Variants in PPARA observed in about 807,000 individuals in gnomAD.
The protein encoded by PPARA is peroxisome proliferator activated receptor alpha.
PPARA carries 22 observed loss-of-function variants against 42.2 expected under a neutral mutation model. That is an observed-to-expected ratio of 0.52 (90% CI 0.37 to 0.74). The LOEUF is 0.74. Ranked by LOEUF, PPARA falls within the 30% of genes least tolerant of loss-of-function variation. PPARA has a pLI of 0.00. For missense variants in PPARA, 465 were observed against 608.2 expected (o/e 0.76, Z 2.48); for synonymous variants, 242 against 239.3 (o/e 1.01, Z -0.10).
rs1443194877 is a variant in PPARA, at chr22:46,225,791, C to A, written c.711+5777C>A. On this transcript the variant is annotated intron_variant, in intron 7 of 8. Coordinates refer to ENST00000407236, the MANE Select transcript of PPARA (RefSeq NM_005036.6). This position sits in a 1 kb window ranked among gnomAD's most constrained non-coding sequence, Gnocchi z 4.1. The stretch of plus-strand genomic sequence containing the variant: ...CATGCACGTGTAAACACACACACCC[C>A]CACACATACACGTGCACCCACACAT... Among the ~76,000 whole-genome samples, 5 of 135,228 alleles carry A rather than the reference C, an allele frequency of 3.7e-5. No individual in the cohort carries two copies. The highest frequency in any genetic ancestry group is 9.5e-5 in the African/African-American group (3 of 31,518). The allele number at this position is 135,228 out of a possible 152,430, so 88.7% of individuals were successfully genotyped here.
At position 46,224,995 on chromosome 22, in the gene PPARA, G is replaced by A. The variant is rs1460792022; in HGVS notation, c.711+4981G>A. 6.6e-6 allele frequency among the ~76,000 whole-genome samples: 1 copy of A among 151,886 alleles called. No individual in the cohort carries two copies. Among genetic ancestry groups the A allele is most frequent in the African/African-American group, 2.4e-5 (1 of 41,332 alleles). On this transcript the variant is annotated intron_variant, in intron 7 of 8. Coordinates refer to ENST00000407236, the MANE Select transcript of PPARA (RefSeq NM_005036.6). This position sits in a 1 kb window ranked among gnomAD's most constrained non-coding sequence, Gnocchi z 5.7. Reference sequence around the variant, plus strand: ...CTGGGGGGGGGCCTGAAACCGGTGGGGGAGTTGTGGGAGGCCTAGAATCAG... The same window carrying A: ...CTGGGGGGGGGCCTGAAACCGGTGGAGGAGTTGTGGGAGGCCTAGAATCAG...
At position 46,196,762 on chromosome 22, in the gene PPARA, G is replaced by A. The variant is rs1216436932; in HGVS notation, c.-42-1580G>A. On this transcript the variant is annotated intron_variant, in intron 3 of 8. Transcript: ENST00000407236. The surrounding 1 kb of genome is among the most constrained non-coding windows in gnomAD (Gnocchi z 5.6). ...TTTTGAGGTGGAGTCTTGCTTTGTC[G>A]CCCAGGCTGGTGTGCAGTGGTGCGA... 6.6e-6 allele frequency among the ~76,000 whole-genome samples: 1 copy of A among 152,122 alleles called. No homozygotes were observed.
chr22:46,199,768 G>A (rs1334767978), intron 4 of PPARA, among the ~76,000 whole-genome samples: 1 of 152,062 alleles, frequency 6.6e-6, no homozygotes, highest in African/African-American at 2.4e-5. Context: ...TGTTGCCCAG[G>A]CTGGAGTGCA....
intron 2 of PPARA, among the ~76,000 whole-genome samples, chr22:46,157,822 C>G (rs1437937725): frequency 6.6e-6 from 1 of 152,104 alleles, no homozygotes; most frequent in Non-Finnish European, 1.5e-5. Flanking sequence ...CGTCTGTGTT[C>G]CAGGAGGCAG....
At chr22:46,164,102 C>G (rs1274856674) in intron 2 of PPARA, 3 of 151,876 alleles carry the variant, frequency 2.0e-5, no homozygotes, top group African/African-American at 4.8e-5. Context: ...GCCTGTAATC[C>G]CAGCTACTCA....
intron 4 of PPARA, among the ~76,000 whole-genome samples, chr22:46,208,547 C>CA (rs61164866): frequency 0.036 from 3,785 of 105,532 alleles, 56 homozygotes; most frequent in African/African-American, 0.067. Flanking sequence ...GACTCCATCT[C>CA]AAAAAAAAAA....
chr22:46,218,544 TA>T, intron 6 of PPARA, 143 bp downstream of exon 6: 2 of 1,430,260 alleles, frequency 1.4e-6, no homozygotes, highest in East Asian at 2.3e-5. Flanking sequence ...CCTAAGAAAA[TA>T]AAAGTCGCCC....
rs906553042 is a variant in PPARA, at chr22:46,190,679, G to A, written c.-42-7663G>A. On this transcript the variant is annotated intron_variant, in intron 3 of 8. Transcript: ENST00000407236. The surrounding 1 kb of genome is among the most constrained non-coding windows in gnomAD (Gnocchi z 5.6). The stretch of plus-strand genomic sequence containing the variant: ...GTGAGAGGATCACCTGGGCCCGGGA[G>A]ATCAAGGCTGCGGTGAGCCATGATC... Among the ~76,000 whole-genome samples, 5 of 152,172 alleles carry A rather than the reference G, an allele frequency of 3.3e-5. No individual in the cohort carries two copies. Among genetic ancestry groups the A allele is most frequent in the Non-Finnish European group, 7.3e-5 (5 of 68,032 alleles).
In PPARA at chr22:46,219,257, C is replaced by A. The variant is rs1342740720; in HGVS notation, c.509-555C>A. Among the ~76,000 whole-genome samples the A allele has an allele frequency of 2.0e-5, 3 of 152,128 alleles. No individual in the cohort carries two copies. Among genetic ancestry groups the A allele is most frequent in the Non-Finnish European group, 4.4e-5 (3 of 68,012 alleles). ...AAACTTCAGTGGTAAGACTTTGATA[C>A]AGAATCGAAAAACCAAGTGGAAGGC... On this transcript the variant is annotated intron_variant, in intron 6 of 8. Coordinates refer to ENST00000407236, the MANE Select transcript of PPARA (RefSeq NM_005036.6). The surrounding 1 kb of genome is among the most constrained non-coding windows in gnomAD (Gnocchi z 4.8).
rs1934867672 is a variant in PPARA, at chr22:46,220,003, A to G, written c.700A>G (p.Ser234Gly). ...CCGGGTCATCCTCTCAGGAAAGGCCAGTAACAATCCAGTAGGTGTTTGCGG... is the reference window on the plus strand; with the variant it reads ...CCGGGTCATCCTCTCAGGAAAGGCCGGTAACAATCCAGTAGGTGTTTGCGG... ...KARVILSGKASNNPPFVIHDM... is the reference protein window; with the variant it reads ...KARVILSGKAGNNPPFVIHDM... The change falls in exon 7 of 9, where the codon AGT (serine) becomes GGT (glycine). Residue 234 changes from serine (S) to glycine (G), a missense_variant. Around this residue, in one of 2 missense-constraint regions of PPARA, gnomAD observed 313 missense variants for 469.1 expected, o/e 0.67. Transcript: ENST00000407236. 2 of 1,614,130 alleles carry G rather than the reference A, an allele frequency of 1.2e-6. No homozygotes were observed. The highest frequency in any genetic ancestry group is 1.7e-6 in the Non-Finnish European group (2 of 1,180,040).
At chr22:46,210,804 TC>T (rs1372365950) in intron 4 of PPARA, among the ~76,000 whole-genome samples, 3 of 152,204 alleles carry the variant, frequency 2.0e-5, no homozygotes. Context: ...ATTTTTGATT[TC>T]CTATAAATAT....
chr22:46,230,658 G>C lies in PPARA; in HGVS notation c.712-1134G>C, dbSNP rs1935803769. Among the ~76,000 whole-genome samples the C allele has an allele frequency of 6.6e-6, 1 of 152,172 alleles. No individual in the cohort carries two copies. Among genetic ancestry groups the C allele is most frequent in the Admixed American group, 6.5e-5 (1 of 15,276 alleles). On this transcript the variant is annotated intron_variant, in intron 7 of 8. Coordinates refer to ENST00000407236, the MANE Select transcript of PPARA (RefSeq NM_005036.6). The surrounding 1 kb of genome is among the most constrained non-coding windows in gnomAD (Gnocchi z 5.0). ...ACTGGGTTTACATGCAGATGGCATG[G>C]GAGCACACAAGGCACGGCTGTGGGG...
chr22:46,224,974 G>A lies in PPARA; in HGVS notation c.711+4960G>A. Among the ~76,000 whole-genome samples the A allele has an allele frequency of 6.6e-6, 1 of 151,872 alleles. No individual in the cohort carries two copies. Among genetic ancestry groups the A allele is most frequent in the East Asian group, 1.9e-4 (1 of 5,146 alleles). On this transcript the variant is annotated intron_variant, in intron 7 of 8. Transcript: ENST00000407236. This position sits in a 1 kb window ranked among gnomAD's most constrained non-coding sequence, Gnocchi z 5.7. ...GAGCTGGAACAGGCTAGAATGCTGG[G>A]GGGGGGCCTGAAACCGGTGGGGGAG... is the stretch of plus-strand genomic sequence containing the variant.
rs574395094 is a variant in PPARA at position 46,210,154 on chromosome 22, A to T, written c.209-5019A>T. 8.5e-5 allele frequency among the ~76,000 whole-genome samples: 13 copies of T among 152,070 alleles called. 2 individuals carry two copies. Among genetic ancestry groups the T allele is most frequent in the Admixed American group, 7.9e-4 (12 of 15,268 alleles). ...GAGAAACCCCGTCTCTACAAAAAAT[A>T]CAAAATTAGCCAGGCACAGTGGCAC... On this transcript the variant is annotated intron_variant, in intron 4 of 8. Coordinates refer to ENST00000407236, the MANE Select transcript of PPARA (RefSeq NM_005036.6).
chr22:46,217,819 CTTTTTTTTTTTT>C (rs60894989), intron 5 of PPARA, among the ~76,000 whole-genome samples: 5 of 77,056 alleles, frequency 6.5e-5, no homozygotes, highest in East Asian at 7.6e-4. Context: ...CTATTTCTTT[CTTTTTTTTTTTT>C]TTTTTTTTTT....
rs188808730 is a variant in PPARA, at chr22:46,190,584, T to C, written c.-42-7758T>C. 6.6e-6 allele frequency among the ~76,000 whole-genome samples: 1 copy of C among 152,108 alleles called. No individual in the cohort carries two copies. The highest frequency in any genetic ancestry group is 1.5e-5 in the Non-Finnish European group (1 of 68,008). ...GCTGGGCAACATAGTGAAACCTATC[T>C]CTACAAAAATACAAAAATTAGCTGG... On this transcript the variant is annotated intron_variant, in intron 3 of 8. Coordinates refer to ENST00000407236, the MANE Select transcript of PPARA (RefSeq NM_005036.6). The surrounding 1 kb of genome is among the most constrained non-coding windows in gnomAD (Gnocchi z 5.6).
At position 46,235,022 on chromosome 22, in the gene PPARA, G is replaced by GT; in HGVS notation, c.1160-104dup. 2.7e-6 allele frequency: 4 copies of GT among 1,493,594 alleles called. No homozygotes were observed. The highest frequency in any genetic ancestry group is 1.7e-5 in the Admixed American group (1 of 58,900). 92.5% of individuals were successfully genotyped at this position (1,493,594 alleles called of 1,614,324 possible). ...GTTGACAATATCTAAAGGCAGCTCAGTTTTTTTCTAAGAAAGGCCACATAA... is the reference window on the plus strand; with the variant it reads ...GTTGACAATATCTAAAGGCAGCTCAGTTTTTTTTCTAAGAAAGGCCACATAA... On this transcript the variant is annotated intron_variant, in intron 8 of 8. Transcript: ENST00000407236. This position sits in a 1 kb window ranked among gnomAD's most constrained non-coding sequence, Gnocchi z 7.0.
At chr22:46,169,282 G>A (rs192759100) in intron 2 of PPARA, among the ~76,000 whole-genome samples, 1 of 151,966 alleles carries the variant, frequency 6.6e-6, no homozygotes, top group East Asian at 1.9e-4. Context: ...TTGTGACGGA[G>A]GGGGTGCAGT....
chr22:46,152,910 C>G (rs188308954), intron 2 of PPARA, among the ~76,000 whole-genome samples: 1 of 152,242 alleles, frequency 6.6e-6, no homozygotes, highest in East Asian at 1.9e-4. Flanking sequence ...CATGGTGAAA[C>G]CTTGTCTCTA....
Sources: gnomAD v4.1 joint callset for allele counts (sites outside exome capture counted in the v4.1 genomes callset) on GRCh38, gnomAD v4.1.1 for gene constraint, gnomAD v4.1.1 regional missense constraint, Gnocchi (gnomAD v3.1) non-coding constraint, MANE v1.5 for transcripts, NCBI Gene and HGNC (gene_info 2026-07-23, HGNC 2026-07-21) for gene names.